ABL1: variants seen among roughly 807,000 people sequenced by gnomAD.
The protein encoded by ABL1 is tyrosine-protein kinase ABL1.
A neutral mutation model predicts 94.7 loss-of-function variants in ABL1; 11 were observed. The ratio of observed to expected loss-of-function variants is 0.12; its 90% confidence interval spans 0.07 to 0.19. The LOEUF is 0.19. ABL1 is among the 10% of genes least tolerant of loss of function. The probability of loss-of-function intolerance (pLI) is 1.00; values close to 1 mark genes in which losing one functional copy is unlikely to be tolerated. For missense variants in ABL1, 1,082 were observed against 1,489.4 expected (o/e 0.73, Z 4.50); for synonymous variants, 656 against 622.4 (o/e 1.05, Z -0.80).
intron 1 of ABL1, among the ~76,000 whole-genome samples, chr9:130,759,837 G>A (rs1457817987): frequency 2.0e-5 from 3 of 152,242 alleles, no homozygotes; most frequent in African/African-American, 7.2e-5. Context: ...CTGTTGCTCA[G>A]GCTGGAGTGC....
rs114624390 is a variant in ABL1, at chr9:130,738,814, A to G, written c.136+24359A>G. On this transcript the variant is annotated intron_variant, in intron 1 of 10. Transcript: ENST00000372348. ...ACTGTAGTTATTCCCTCCCCATTCA[A>G]AACAAATTTATTGTTTAGAGGATAT... Among the ~76,000 whole-genome samples the G allele has an allele frequency of 8.1e-3, 1,228 of 152,322 alleles. 15 individuals are homozygous for G. Among genetic ancestry groups the G allele is most frequent in the African/African-American group, 0.027 (1,142 of 41,562 alleles).
intron 3 of ABL1, among the ~76,000 whole-genome samples, chr9:130,860,855 T>C (rs1253274376): frequency 1.3e-5 from 2 of 152,188 alleles, no homozygotes; most frequent in African/African-American, 2.4e-5. Flanking sequence ...GGGTCGGGGA[T>C]TGGGAGCTGA....
At chr9:130,716,507 C>T (rs1414525928) in intron 1 of ABL1, among the ~76,000 whole-genome samples, 3 of 152,130 alleles carry the variant, frequency 2.0e-5, no homozygotes, top group Admixed American at 2.0e-4. Context: ...GGGGGGTATG[C>T]ATCAAGCACT....
At chr9:130,789,333 T>A (rs1829872164) in intron 1 of ABL1, among the ~76,000 whole-genome samples, 1 of 152,230 alleles carries the variant, frequency 6.6e-6, no homozygotes, top group South Asian at 2.1e-4. Context: ...GACCAGCTGC[T>A]CCCACATGGG....
chr9:130,854,684 A>T, intron 2 of ABL1, 117 bp from the exon 3 acceptor site: 1 of 1,087,272 alleles, frequency 9.2e-7, no homozygotes, highest in Non-Finnish European at 1.3e-6. Flanking sequence ...TGGACTTGTT[A>T]AAATGAAATT....
At chr9:130,841,257 C>T (rs943573798) in intron 1 of ABL1, among the ~76,000 whole-genome samples, 2 of 151,866 alleles carry the variant, frequency 1.3e-5, no homozygotes, top group African/African-American at 4.8e-5. Context: ...ACGCCATTCT[C>T]CTGCCTCAGC....
rs1418989440 is a variant in ABL1, at chr9:130,814,456, A to C, written c.137-39608A>C. Reference sequence around the variant, plus strand: ...GAAAAAAGGGAAGACAATAACTGTAATATCAGCAGTGAAAGAGATGACATC... The same window carrying C: ...GAAAAAAGGGAAGACAATAACTGTACTATCAGCAGTGAAAGAGATGACATC... On this transcript the variant is annotated intron_variant, in intron 1 of 10. Coordinates refer to the ABL1 transcript ENST00000372348. This position sits in a 1 kb window ranked among gnomAD's most constrained non-coding sequence, Gnocchi z 4.4. 6.6e-6 allele frequency among the ~76,000 whole-genome samples: 1 copy of C among 152,244 alleles called. No homozygotes were observed. Among genetic ancestry groups the C allele is most frequent in the East Asian group, 1.9e-4 (1 of 5,202 alleles).
At chr9:130,883,269 G>A (rs1170828777) in intron 10 of ABL1, among the ~76,000 whole-genome samples, 2 of 152,298 alleles carry the variant, frequency 1.3e-5, no homozygotes, top group African/African-American at 4.8e-5. Flanking sequence ...AGGCCAAGGC[G>A]GGTGGATCAC....
chr9:130,846,465 T>C (rs1830773832), intron 1 of ABL1, among the ~76,000 whole-genome samples: 1 of 152,184 alleles, frequency 6.6e-6, no homozygotes, highest in Non-Finnish European at 1.5e-5. Context: ...GTTTAAATAA[T>C]TGAATGTGAG....
intron 7 of ABL1, among the ~76,000 whole-genome samples, chr9:130,877,706 T>C (rs1313487744): frequency 6.8e-6 from 1 of 146,578 alleles, no homozygotes; most frequent in Non-Finnish European, 1.5e-5. Context: ...AGTGGAGCAA[T>C]ATCAGCTCAC....
intron 1 of ABL1, among the ~76,000 whole-genome samples, chr9:130,811,911 CAAA>C (rs1203330162): frequency 0.02 from 370 of 18,458 alleles, 1 homozygote; most frequent in African/African-American, 0.051. Context: ...GACTCCGTCT[CAAA>C]AAAAAAAAAA....
intron 1 of ABL1, among the ~76,000 whole-genome samples, chr9:130,718,178 C>T (rs10124462): frequency 0.32 from 48,981 of 151,376 alleles, 11,558 homozygotes; most frequent in African/African-American, 0.65. Flanking sequence ...ATTAGATGGG[C>T]GTGGTGGCAT....
At chr9:130,715,027 A>G (rs780844638) in intron 1 of ABL1, among the ~76,000 whole-genome samples, 1 of 152,236 alleles carries the variant, frequency 6.6e-6, no homozygotes, top group Non-Finnish European at 1.5e-5. Flanking sequence ...TGTGAATTTT[A>G]GATAGACAGC....
chr9:130,869,864 G>A (rs1174683512), intron 4 of ABL1, among the ~76,000 whole-genome samples: 7 of 152,090 alleles, frequency 4.6e-5, no homozygotes, highest in African/African-American at 9.7e-5. Context: ...TCACTCTGTC[G>A]CCCAGGCTGA....
At chr9:130,846,856 A>G (rs1341028024) in intron 1 of ABL1, among the ~76,000 whole-genome samples, 3 of 152,264 alleles carry the variant, frequency 2.0e-5, no homozygotes, top group Non-Finnish European at 4.4e-5. Flanking sequence ...AGTGACTCAC[A>G]GCTTTGAGAA....
rs764575377 is a variant in ABL1, at chr9:130,874,861, T to C, written c.1086-7T>C. The C allele has an allele frequency of 6.2e-7, 1 of 1,614,056 alleles. No homozygotes were observed. Among genetic ancestry groups the C allele is most frequent in the Admixed American group, 1.7e-5 (1 of 60,014 alleles). On this transcript the variant is annotated splice_polypyrimidine_tract_variant and splice_region_variant and intron_variant, in intron 6 of 10. Coordinates refer to ENST00000318560, the MANE Select transcript of ABL1 (RefSeq NM_005157.6). ...AGCTCTCATGGGTGAACATTTTCCT[T>C]TCTTAGAGATCTTGCTGCCCGAAAC...
At chr9:130,853,170 CTTTTTTTTTTTTT>C (rs11418318) in intron 1 of ABL1, among the ~76,000 whole-genome samples, 1 of 75,338 alleles carries the variant, frequency 1.3e-5, no homozygotes, top group African/African-American at 5.4e-5. Context: ...TTTGACTTTT[CTTTTTTTTTTTTT>C]TTTTTTTTTT....
chr9:130,717,999 C>G (rs13292168), intron 1 of ABL1, among the ~76,000 whole-genome samples: 1 of 137,108 alleles, frequency 7.3e-6, no homozygotes, highest in East Asian at 2.2e-4. Context: ...GCAACAAGAG[C>G]GAAACTCTTG....
intron 1 of ABL1, among the ~76,000 whole-genome samples, chr9:130,792,988 C>T (rs144126633): frequency 3.3e-5 from 5 of 152,338 alleles, no homozygotes; most frequent in African/African-American, 9.6e-5. Context: ...TGCAATGGCA[C>T]GATCTCGGCT....
Sources: allele counts gnomAD v4.1 joint callset (sites outside exome capture counted in the v4.1 genomes callset), GRCh38; gene constraint gnomAD v4.1.1; non-coding constraint Gnocchi (gnomAD v3.1); transcripts MANE v1.5; gene names NCBI Gene and HGNC (gene_info 2026-07-23, HGNC 2026-07-21).